Variants in ARHGAP32 observed in about 807,000 individuals in gnomAD.
The protein encoded by ARHGAP32 is Rho GTPase activating protein 32, also known as rho GTPase-activating protein 32.
Under a neutral mutation model 186.5 loss-of-function variants are expected in ARHGAP32, and 51 were observed. That is an observed-to-expected ratio of 0.27 (90% CI 0.22 to 0.35). The LOEUF is 0.35. Among genes scored for constraint, ARHGAP32 ranks in the 10% least tolerant of loss-of-function variants. The probability of loss-of-function intolerance (pLI) is 1.00; values close to 1 mark genes in which losing one functional copy is unlikely to be tolerated. For missense variants in ARHGAP32, 2,186 were observed against 2,623.5 expected (o/e 0.83, Z 3.64); for synonymous variants, 950 against 964.3 (o/e 0.99, Z 0.27).
chr11:129,214,549 G>C (rs558081347), intron 1 of ARHGAP32, among the ~76,000 whole-genome samples: 2 of 152,210 alleles, frequency 1.3e-5, no homozygotes, highest in Non-Finnish European at 2.9e-5. Flanking sequence ...GAGATTGAGG[G>C]GATTCAAAGG....
intron 2 of ARHGAP32, among the ~76,000 whole-genome samples, chr11:129,155,761 G>A (rs1943388421): frequency 6.6e-6 from 1 of 152,078 alleles, no homozygotes; most frequent in Non-Finnish European, 1.5e-5. Flanking sequence ...AGAGTTGATT[G>A]AGGACACTGG....
At chr11:129,130,282 C>A (rs1426636995) in intron 2 of ARHGAP32, among the ~76,000 whole-genome samples, 11 of 151,658 alleles carry the variant, frequency 7.3e-5, no homozygotes, top group African/African-American at 2.7e-4. Flanking sequence ...TAAAAGTATG[C>A]AAAAATTAAG....
intron 12 of ARHGAP32, 65 bp from the exon 13 acceptor site, chr11:128,988,190 A>G: frequency 8.2e-7 from 1 of 1,213,830 alleles, no homozygotes. Flanking sequence ...GTTGCCAAAA[A>G]ATAAGATTGT....
intron 11 of ARHGAP32, among the ~76,000 whole-genome samples, chr11:129,033,512 T>A (rs1939199193): frequency 6.6e-6 from 1 of 152,226 alleles, no homozygotes; most frequent in Non-Finnish European, 1.5e-5. Context: ...TTACAACTCC[T>A]TTGTCAGATA....
chr11:129,234,004 T>TA (rs1213101556), intron 1 of ARHGAP32, among the ~76,000 whole-genome samples: 5 of 152,072 alleles, frequency 3.3e-5, no homozygotes, highest in Admixed American at 1.3e-4. Context: ...TATTTCATTT[T>TA]AAAAAAACCT....
chr11:128,971,462 C>T (rs1225439498), intron 22 of ARHGAP32: 3 of 318,948 alleles, frequency 9.4e-6, no homozygotes, highest in Non-Finnish European at 1.2e-5. Flanking sequence ...GAGGTTTAGT[C>T]AAGTAATGCT....
At chr11:129,222,051 C>T (rs1171266028) in intron 1 of ARHGAP32, among the ~76,000 whole-genome samples, 3 of 152,122 alleles carry the variant, frequency 2.0e-5, no homozygotes, top group Admixed American at 2.0e-4. Flanking sequence ...ATATTGACAA[C>T]TATAGCTACT....
chr11:129,144,031 T>C (rs1943118835), intron 2 of ARHGAP32, among the ~76,000 whole-genome samples: 1 of 152,206 alleles, frequency 6.6e-6, no homozygotes, highest in South Asian at 2.1e-4. Flanking sequence ...CTGTGTTATA[T>C]TATTTTGAAC....
At chr11:129,079,862 C>T (rs1305419825) in intron 6 of ARHGAP32, among the ~76,000 whole-genome samples, 8 of 152,156 alleles carry the variant, frequency 5.3e-5, no homozygotes, top group Admixed American at 5.2e-4. Flanking sequence ...AAGAGACTCA[C>T]CTAAGTACAA....
chr11:129,099,140 T>C (rs1302217847), intron 5 of ARHGAP32, among the ~76,000 whole-genome samples: 1 of 152,304 alleles, frequency 6.6e-6, no homozygotes, highest in Admixed American at 6.5e-5. Flanking sequence ...TTAATGTGAA[T>C]GAAATAAACA....
intron 7 of ARHGAP32, 88 bp downstream of exon 7, chr11:129,066,643 G>A (rs1220374577): frequency 7.8e-7 from 1 of 1,285,738 alleles, no homozygotes; most frequent in African/African-American, 1.5e-5. Context: ...TGCGTGTTCA[G>A]TATAAGCTTT....
chr11:129,003,507 A>G (rs1217357735), intron 11 of ARHGAP32, among the ~76,000 whole-genome samples: 2 of 152,144 alleles, frequency 1.3e-5, no homozygotes, highest in Non-Finnish European at 2.9e-5. Context: ...TAAGCCATTG[A>G]GTCCTGGGCT....
At chr11:129,167,268 G>C (rs1025567808) in intron 1 of ARHGAP32, among the ~76,000 whole-genome samples, 7 of 152,148 alleles carry the variant, frequency 4.6e-5, no homozygotes, top group African/African-American at 1.7e-4. Flanking sequence ...TTCATTATTA[G>C]AAGGAATGTA....
At chr11:129,117,007 T>A (rs562407) in intron 5 of ARHGAP32, among the ~76,000 whole-genome samples, 2,788 of 152,092 alleles carry the variant, frequency 0.018, 33 homozygotes, top group Non-Finnish European at 0.023. Flanking sequence ...ACATTAAGAA[T>A]TTACTTAAGA....
intron 1 of ARHGAP32, among the ~76,000 whole-genome samples, chr11:129,233,830 T>A (rs1186552056): frequency 6.6e-6 from 1 of 152,090 alleles, no homozygotes; most frequent in Non-Finnish European, 1.5e-5. Flanking sequence ...CATGATAATA[T>A]ACAATATACA....
chr11:129,074,799 AT>A (rs1436563880), intron 6 of ARHGAP32, among the ~76,000 whole-genome samples: 3 of 152,026 alleles, frequency 2.0e-5, no homozygotes, highest in African/African-American at 4.8e-5. Flanking sequence ...GCCTAAAAAA[AT>A]TTTTTTTAAT....
chr11:129,012,066 A>G (rs189625233), intron 11 of ARHGAP32, among the ~76,000 whole-genome samples: 160 of 152,308 alleles, frequency 1.1e-3, no homozygotes, highest in African/African-American at 3.6e-3. Flanking sequence ...ATATAGCTTG[A>G]CTTCTGAATC....
intron 6 of ARHGAP32, among the ~76,000 whole-genome samples, chr11:129,078,831 G>A (rs1433345505): frequency 6.6e-6 from 1 of 151,704 alleles, no homozygotes; most frequent in African/African-American, 2.4e-5. Context: ...AGGCACCAGA[G>A]AAAGGTGAAA....
intron 6 of ARHGAP32, among the ~76,000 whole-genome samples, chr11:129,078,961 C>CA (rs1361794715): frequency 6.7e-6 from 1 of 149,824 alleles, no homozygotes; most frequent in Non-Finnish European, 1.5e-5. Flanking sequence ...TAGAGAAATG[C>CA]AAAATAGACT....
Sources: allele counts gnomAD v4.1 joint callset (sites outside exome capture counted in the v4.1 genomes callset), GRCh38; gene constraint gnomAD v4.1.1; transcripts MANE v1.5; gene names NCBI Gene and HGNC (gene_info 2026-07-23, HGNC 2026-07-21).